Variants in LRRC63 observed in about 807,000 individuals in gnomAD.
LRRC63 encodes the protein leucine rich repeat containing 63, also known as leucine-rich repeat-containing protein 63.
A neutral mutation model predicts 49.5 loss-of-function variants in LRRC63; 40 were observed. The observed-to-expected ratio is 0.81, with a 90% confidence interval of 0.63 to 1.05. The LOEUF (loss-of-function observed/expected upper bound fraction) is 1.05. Among genes scored for constraint, LRRC63 ranks in the 50% least tolerant of loss-of-function variants. LRRC63 has a pLI of 0.00. For synonymous variants in LRRC63, 191 were observed against 221.1 expected (o/e 0.86, Z 1.21); for missense variants, 636 against 663.1 (o/e 0.96, Z 0.45).
intron 8 of LRRC63, among the ~76,000 whole-genome samples, chr13:46,265,847 C>T (rs929024481): frequency 9.9e-5 from 15 of 152,182 alleles, no homozygotes; most frequent in Admixed American, 9.8e-4. Context: ...ATTAGTCAAA[C>T]TCTGGTTGAG....
intron 2 of LRRC63, among the ~76,000 whole-genome samples, chr13:46,224,092 T>A (rs1270524949): frequency 6.6e-6 from 1 of 152,248 alleles, no homozygotes; most frequent in Non-Finnish European, 1.5e-5. Flanking sequence ...AATGTGAATG[T>A]CTAAAATTCT....
chr13:46,255,741 A>G (rs1354775333), intron 7 of LRRC63, among the ~76,000 whole-genome samples: 2 of 151,488 alleles, frequency 1.3e-5, no homozygotes, highest in African/African-American at 4.9e-5. Flanking sequence ...TATAATTTAT[A>G]TACAATAAAA....
At chr13:46,234,085 A>C in intron 4 of LRRC63, 107 bp from the exon 5 acceptor site, 1 of 1,047,998 alleles carries the variant, frequency 9.5e-7, no homozygotes, top group Non-Finnish European at 1.4e-6. Context: ...GTGTACACTT[A>C]AGTCCTTAGG....
intron 5 of LRRC63, among the ~76,000 whole-genome samples, chr13:46,236,116 A>G (rs1479126638): frequency 6.6e-6 from 1 of 152,094 alleles, no homozygotes; most frequent in Non-Finnish European, 1.5e-5. Flanking sequence ...ATGATCAAGT[A>G]TGAAGAACAG....
At chr13:46,276,330 T>C (rs1024211063) in intron 9 of LRRC63, among the ~76,000 whole-genome samples, 11 of 152,036 alleles carry the variant, frequency 7.2e-5, no homozygotes, top group Non-Finnish European at 1.5e-5. Context: ...CTATTTTCAA[T>C]TTGGGATCTA....
intron 9 of LRRC63, among the ~76,000 whole-genome samples, chr13:46,268,415 T>A (rs1027005997): frequency 6.6e-6 from 1 of 152,092 alleles, no homozygotes; most frequent in Non-Finnish European, 1.5e-5. Context: ...CTACAGATTC[T>A]TAGAAGTAAT....
intron 4 of LRRC63, among the ~76,000 whole-genome samples, chr13:46,230,328 G>A (rs1184835135): frequency 6.6e-6 from 1 of 152,196 alleles, no homozygotes. Context: ...TAGAGGGACA[G>A]AACTAATAGG....
chr13:46,258,928 G>T (rs1309987393), intron 7 of LRRC63, among the ~76,000 whole-genome samples: 1 of 150,950 alleles, frequency 6.6e-6, no homozygotes, highest in East Asian at 1.9e-4. Context: ...CAATATTTTT[G>T]AAATTATGTA....
chr13:46,227,884 C>T (rs905193535), exon 3 of LRRC63: 1 of 1,550,406 alleles, frequency 6.4e-7, no homozygotes, highest in Non-Finnish European at 8.7e-7. Context: ...TTAATTCTTT[C>T]TTCCAAGTTT....
chr13:46,234,480 C>A (rs2046851544), intron 5 of LRRC63, 131 bp downstream of exon 5: 1 of 855,176 alleles, frequency 1.2e-6, no homozygotes, highest in Non-Finnish European at 1.7e-6. Flanking sequence ...TTCTTAGGAA[C>A]ACATTCAAAT....
chr13:46,227,926 T>C lies in LRRC63; in HGVS notation c.500T>C (p.Ile167Thr), dbSNP rs552005352. The C allele has an allele frequency of 9.2e-5, 143 of 1,550,646 alleles. 3 individuals carry two copies. In the South Asian group the frequency reaches 9.8e-4, roughly 11 times the overall value. Reference sequence around the variant, plus strand: ...CCTAAAAGTACTCCTGGCTCAGTTATCGCTCAAAAACTTGAGAAAATGCAC... The same window carrying C: ...CCTAAAAGTACTCCTGGCTCAGTTACCGCTCAAAAACTTGAGAAAATGCAC... The change falls in exon 3 of 10, where the codon ATC (isoleucine) becomes ACC (threonine). Residue 167 changes from isoleucine (I) to threonine (T), a missense_variant. Physicochemically the swap from Ile to Thr is moderately conservative, Grantham distance 89. Transcript: ENST00000595396.
At chr13:46,218,353 C>A (rs1350694011) in intron 2 of LRRC63, among the ~76,000 whole-genome samples, 2 of 152,026 alleles carry the variant, frequency 1.3e-5, no homozygotes, top group Non-Finnish European at 2.9e-5. Context: ...TTATGTAATG[C>A]CCTCCTTTGT....
intron 5 of LRRC63, among the ~76,000 whole-genome samples, chr13:46,240,134 T>C (rs1477420808): frequency 7.6e-6 from 1 of 131,768 alleles, no homozygotes; most frequent in Non-Finnish European, 1.5e-5. Flanking sequence ...TTCTTTTTTT[T>C]TTTTTTTTTT....
At chr13:46,253,586 T>C (rs1047030836) in intron 7 of LRRC63, among the ~76,000 whole-genome samples, 1 of 151,998 alleles carries the variant, frequency 6.6e-6, no homozygotes, top group Non-Finnish European at 1.5e-5. Flanking sequence ...AAAAAGAATA[T>C]TCATGCAGTG....
chr13:46,271,901 AT>A (rs2047764658), intron 9 of LRRC63, among the ~76,000 whole-genome samples: 1 of 152,098 alleles, frequency 6.6e-6, no homozygotes, highest in African/African-American at 2.4e-5. Context: ...AAGTTTATAA[AT>A]TAGGCACAGT....
intron 7 of LRRC63, among the ~76,000 whole-genome samples, chr13:46,253,411 A>C (rs1269307024): frequency 2.6e-5 from 4 of 152,074 alleles, no homozygotes; most frequent in Non-Finnish European, 5.9e-5. Flanking sequence ...GAATTTTAAT[A>C]AACACCATAA....
intron 2 of LRRC63, among the ~76,000 whole-genome samples, chr13:46,222,489 A>C (rs2046435314): frequency 6.6e-6 from 1 of 152,192 alleles, no homozygotes; most frequent in South Asian, 2.1e-4. Context: ...TGGCTGTCCA[A>C]TTTTCCTAAC....
chr13:46,267,808 C>G (rs1199844554), intron 9 of LRRC63, among the ~76,000 whole-genome samples: 3 of 152,024 alleles, frequency 2.0e-5, no homozygotes, highest in African/African-American at 7.2e-5. Context: ...GAATTATAAC[C>G]TAACTAGTGT....
chr13:46,270,505 T>G (rs760055776), intron 9 of LRRC63: 1 of 783,982 alleles, frequency 1.3e-6, no homozygotes, highest in Non-Finnish European at 2.3e-6. Flanking sequence ...AAGGCTACAT[T>G]GCAGTTGAGT....
Sources: allele counts gnomAD v4.1 joint callset (sites outside exome capture counted in the v4.1 genomes callset), GRCh38; gene constraint gnomAD v4.1.1; transcripts MANE v1.5; gene names NCBI Gene and HGNC (gene_info 2026-07-23, HGNC 2026-07-21).